The following ARMC8 variants were observed in gnomAD, a reference collection of about 807,000 sequenced individuals.
ARMC8 encodes the protein armadillo repeat-containing protein 8.
ARMC8 carries 20 observed loss-of-function variants against 99.3 expected under a neutral mutation model. That is an observed-to-expected ratio of 0.20 (90% CI 0.14 to 0.29). The LOEUF is 0.29. Among genes scored for constraint, ARMC8 ranks in the 10% least tolerant of loss-of-function variants. The probability of loss-of-function intolerance (pLI) is 1.00; values close to 1 mark genes in which losing one functional copy is unlikely to be tolerated. For missense variants in ARMC8, 569 were observed against 809.5 expected, an observed-to-expected ratio of 0.70 and a Z score of 3.60; for synonymous variants, 263 against 278.3, an observed-to-expected ratio of 0.95 and a Z score of 0.55.
chr3:138,246,137 C>T (rs1379508543), intron 12 of ARMC8: 7 of 985,360 alleles, frequency 7.1e-6, no homozygotes, highest in Non-Finnish European at 8.4e-6. Context: ...TATGGAACAA[C>T]CTTACATTTG....
chr3:138,239,338 A>G (rs961428325), intron 9 of ARMC8, 130 bp from the exon 10 acceptor site: 2 of 627,562 alleles, frequency 3.2e-6, no homozygotes, highest in Non-Finnish European at 5.5e-6. Flanking sequence ...CGAATTGTCA[A>G]AATCTTCACT....
intron 19 of ARMC8, among the ~76,000 whole-genome samples, chr3:138,288,217 A>G (rs1229448682): frequency 6.6e-6 from 1 of 152,218 alleles, no homozygotes; most frequent in African/African-American, 2.4e-5. Context: ...TCTAGGTGTT[A>G]CAGAACTTCA....
intron 18 of ARMC8, among the ~76,000 whole-genome samples, chr3:138,282,031 A>G (rs1024761384): frequency 1.3e-5 from 2 of 152,154 alleles, no homozygotes; most frequent in African/African-American, 2.4e-5. Flanking sequence ...GTAATAAGCT[A>G]TGATTCTTCC....
At chr3:138,277,987 G>A (rs1056506707) in intron 18 of ARMC8, among the ~76,000 whole-genome samples, 1 of 152,148 alleles carries the variant, frequency 6.6e-6, no homozygotes, top group East Asian at 1.9e-4. Flanking sequence ...CTACATGAAA[G>A]ATGCCAGATA....
chr3:138,237,614 C>T (rs2046398594), intron 9 of ARMC8, 42 bp downstream of exon 9: 4 of 1,527,178 alleles, frequency 2.6e-6, no homozygotes, highest in African/African-American at 1.4e-5. Context: ...AGTGCTTTAT[C>T]AATATCTTAG....
intron 17 of ARMC8, 25 bp from the exon 18 acceptor site, chr3:138,274,424 T>C (rs2049081649): frequency 6.9e-7 from 1 of 1,456,258 alleles, no homozygotes; most frequent in East Asian, 2.3e-5. Context: ...TCTTTGATAA[T>C]TATGGATTTC....
At chr3:138,192,087 T>G (rs1418869632) in intron 1 of ARMC8, among the ~76,000 whole-genome samples, 1 of 152,180 alleles carries the variant, frequency 6.6e-6, no homozygotes, top group South Asian at 2.1e-4. Flanking sequence ...CCAGAGTGGC[T>G]GTACTATTTT....
chr3:138,258,862 C>T (rs2047528501), intron 12 of ARMC8, among the ~76,000 whole-genome samples: 1 of 152,220 alleles, frequency 6.6e-6, no homozygotes, highest in African/African-American at 2.4e-5. Context: ...TGGCCTCCTC[C>T]ACTCTGAGGA....
intron 1 of ARMC8, among the ~76,000 whole-genome samples, chr3:138,202,389 G>A (rs537557076): frequency 2.2e-4 from 33 of 152,326 alleles, no homozygotes; most frequent in Non-Finnish European, 3.7e-4. Flanking sequence ...CTTAGTTTGA[G>A]AGTAAGCTGC....
At chr3:138,286,085 A>C (rs2050379850) in intron 19 of ARMC8, among the ~76,000 whole-genome samples, 1 of 152,150 alleles carries the variant, frequency 6.6e-6, no homozygotes, top group African/African-American at 2.4e-5. Flanking sequence ...CTGGGATTAC[A>C]GGCGCGGCAC....
At chr3:138,236,999 TACTA>T (rs979825218) in intron 7 of ARMC8, among the ~76,000 whole-genome samples, 2 of 152,244 alleles carry the variant, frequency 1.3e-5, no homozygotes, top group Non-Finnish European at 1.5e-5. Context: ...AATTAATTGT[TACTA>T]AGTTCTCTTT....
intron 19 of ARMC8, among the ~76,000 whole-genome samples, chr3:138,288,623 C>G (rs2050643675): frequency 6.7e-6 from 1 of 149,492 alleles, no homozygotes; most frequent in African/African-American, 2.4e-5. Flanking sequence ...AGTTTGAGGA[C>G]TCTTCTTCAG....
intron 12 of ARMC8, chr3:138,261,395 A>C (rs1480081837): frequency 6.6e-6 from 1 of 152,176 alleles, no homozygotes; most frequent in African/African-American, 2.4e-5. Context: ...AGGTTTAGCC[A>C]AGGCTAGGGG....
chr3:138,227,975 G>T (rs1437047068), intron 5 of ARMC8, among the ~76,000 whole-genome samples: 1 of 152,052 alleles, frequency 6.6e-6, no homozygotes, highest in African/African-American at 2.4e-5. Flanking sequence ...TTCTTTTGTT[G>T]TTTGTTTTTG....
At chr3:138,188,303 G>A (rs2043190220) in intron 1 of ARMC8, 2 of 1,059,216 alleles carry the variant, frequency 1.9e-6, no homozygotes, top group South Asian at 1.9e-5. Flanking sequence ...ACATTGAAGG[G>A]GGGAAAAGGG....
At chr3:138,252,832 A>G (rs1270279536) in intron 12 of ARMC8, among the ~76,000 whole-genome samples, 1 of 146,540 alleles carries the variant, frequency 6.8e-6, no homozygotes, top group East Asian at 2.0e-4. Context: ...GCCTGTGTGT[A>G]CTGGCATATA....
Position 138,234,137 on chromosome 3 carries a change from G to A in ARMC8, c.529-897G>A, listed in dbSNP as rs758730355. Reference sequence around the variant, plus strand: ...GTTTTTTTTTTTGAGACGGAGTCTCGCTCTGTTGCCCAGGCTACAGTGCAG... The same window carrying A: ...GTTTTTTTTTTTGAGACGGAGTCTCACTCTGTTGCCCAGGCTACAGTGCAG... On this transcript the variant is annotated intron_variant, in intron 6 of 21. Transcript: ENST00000469044. Among the ~76,000 whole-genome samples the A allele has an allele frequency of 6.0e-5, 9 of 150,132 alleles. 1 individual carries two copies. In the South Asian group the frequency reaches 8.4e-4, roughly 14 times the overall value.
intron 2 of ARMC8, among the ~76,000 whole-genome samples, chr3:138,211,075 T>C (rs981053086): frequency 1.3e-5 from 2 of 152,200 alleles, no homozygotes; most frequent in African/African-American, 4.8e-5. Context: ...CTTTTTAGAC[T>C]AGTTTAATTA....
chr3:138,196,899 C>A (rs1484008778), intron 1 of ARMC8, among the ~76,000 whole-genome samples: 1 of 152,032 alleles, frequency 6.6e-6, no homozygotes, highest in Non-Finnish European at 1.5e-5. Context: ...CATTTAAAAT[C>A]ATTTTGGAAT....
Sources: allele counts gnomAD v4.1 joint callset (sites outside exome capture counted in the v4.1 genomes callset), GRCh38; gene constraint gnomAD v4.1.1; transcripts MANE v1.5; gene names NCBI Gene and HGNC (gene_info 2026-07-23, HGNC 2026-07-21).